The following AFF3 variants were observed in gnomAD, a reference collection of about 807,000 sequenced individuals.
The protein encoded by AFF3 is AF4/FMR2 family member 3.
In AFF3, 32 loss-of-function variants were observed where a neutral mutation model predicts 129.7. The observed-to-expected ratio is 0.25, with a 90% confidence interval of 0.19 to 0.33. AFF3 has a LOEUF of 0.33. AFF3 is among the 10% of genes least tolerant of loss of function. The probability of loss-of-function intolerance (pLI) is 1.00; values close to 1 mark genes in which losing one functional copy is unlikely to be tolerated. For synonymous variants in AFF3, 644 were observed against 635.4 expected (o/e 1.01, Z -0.20); for missense variants, 1,373 against 1,592.0 (o/e 0.86, Z 2.34).
At chr2:100,021,089 T>TA (rs969994915) in intron 4 of AFF3, among the ~76,000 whole-genome samples, 13 of 152,290 alleles carry the variant, frequency 8.5e-5, no homozygotes, top group Non-Finnish European at 1.8e-4. Flanking sequence ...GGTCTCACTT[T>TA]AGTGATTTTT....
At chr2:99,979,706 C>G (rs890739090) in intron 7 of AFF3, among the ~76,000 whole-genome samples, 1 of 152,148 alleles carries the variant, frequency 6.6e-6, no homozygotes, top group Non-Finnish European at 1.5e-5. Context: ...CTGTCTCAAA[C>G]TCCTGGCCTC....
intron 7 of AFF3, among the ~76,000 whole-genome samples, chr2:99,991,795 C>G (rs1255122987): frequency 6.6e-6 from 1 of 151,900 alleles, no homozygotes; most frequent in African/African-American, 2.4e-5. Context: ...CCTCGCTACT[C>G]AGGAGGCTGA....
chr2:99,912,932 G>A (rs758056574), intron 7 of AFF3, among the ~76,000 whole-genome samples: 3 of 152,142 alleles, frequency 2.0e-5, no homozygotes, highest in Non-Finnish European at 2.9e-5. Flanking sequence ...CACACACTAA[G>A]TAGGACCAAA....
At chr2:99,752,818 A>G (rs1681769498) in intron 8 of AFF3, among the ~76,000 whole-genome samples, 1 of 152,190 alleles carries the variant, frequency 6.6e-6, no homozygotes, top group Non-Finnish European at 1.5e-5. Context: ...AAAACAAATC[A>G]CGCCTATGAA....
intron 8 of AFF3, among the ~76,000 whole-genome samples, chr2:99,758,226 C>A (rs1277398155): frequency 6.6e-6 from 1 of 152,168 alleles, no homozygotes; most frequent in Non-Finnish European, 1.5e-5. Context: ...TGTTAGCAGT[C>A]CACCCTCCAC....
intron 4 of AFF3, among the ~76,000 whole-genome samples, chr2:100,009,774 G>T (rs1335266725): frequency 6.6e-6 from 1 of 152,192 alleles, no homozygotes; most frequent in Non-Finnish European, 1.5e-5. Flanking sequence ...ATGAGGAAGT[G>T]ACCTGTTTAC....
In AFF3 at chr2:99,546,967, C is replaced by T. The variant is rs370709577; in HGVS notation, c.*4507G>A. On this transcript the variant is annotated 3_prime_UTR_variant, in exon 25 of 25. Transcript: ENST00000672756. ...ATGTGCATACGTGCATGCATGTGCG[C>T]GCGTGTGTGCGTATGTGTATGTATC... The T allele has an allele frequency of 1.4e-5, 3 of 221,344 alleles. No individual in the cohort carries two copies. The highest frequency in any genetic ancestry group is 1.8e-5 in the Non-Finnish European group (2 of 110,642). 13.7% of individuals were successfully genotyped at this position (221,344 alleles called of 1,614,324 possible).
Position 99,941,045 on chromosome 2 carries a change from T to C in AFF3, c.873+65587A>G, listed in dbSNP as rs1481430201. ...AGGCTGACGGAGGCTAAAGACACTG[T>C]GGTAGAGCAGGAGCATTCCCAGGCA... On this transcript the variant is annotated intron_variant, in intron 7 of 24. Transcript: ENST00000672756. Among the ~76,000 whole-genome samples, 3 of 152,068 alleles carry C rather than the reference T, an allele frequency of 2.0e-5. No homozygotes were observed. The East Asian group carries it at 5.8e-4, about 29-fold the overall frequency.
chr2:100,108,364 AT>A (rs1452481383), intron 2 of AFF3, among the ~76,000 whole-genome samples: 1 of 151,476 alleles, frequency 6.6e-6, no homozygotes, highest in East Asian at 1.9e-4. Context: ...TTCTTTCTGT[AT>A]TTTTTCATCA....
intron 8 of AFF3, among the ~76,000 whole-genome samples, chr2:99,754,733 G>A (rs759899514): frequency 5.3e-5 from 8 of 152,162 alleles, no homozygotes; most frequent in Non-Finnish European, 1.0e-4. Flanking sequence ...CAAACTTTGA[G>A]ATACCACTAA....
At chr2:99,671,606 G>A (rs993186877) in intron 12 of AFF3, among the ~76,000 whole-genome samples, 1 of 152,050 alleles carries the variant, frequency 6.6e-6, no homozygotes, top group South Asian at 2.1e-4. Flanking sequence ...CATCTGCATA[G>A]CATTTCATGA....
chr2:99,582,799 G>A lies in AFF3; in HGVS notation c.2792C>T (p.Thr931Met), dbSNP rs373018231. Reference protein sequence around the residue: ...SQLQPHGGDLTKAAHNNSENI... With the variant: ...SQLQPHGGDLMKAAHNNSENI... ...GGGAAAGGAAGAGCATCAACAAACCGTGAGGTCTCCGCCGTGAGGCTGCAG... is the reference window on the plus strand; with the variant it reads ...GGGAAAGGAAGAGCATCAACAAACCATGAGGTCTCCGCCGTGAGGCTGCAG... Residue 931 changes from threonine to methionine, a missense_variant and splice_region_variant, in exon 17 of 25, where the codon ACG becomes ATG. Physicochemically the swap from Thr to Met is moderately conservative, Grantham distance 81. Coordinates refer to ENST00000672756, the MANE Select transcript of AFF3 (RefSeq NM_001386135.1). 9.3e-6 allele frequency: 15 copies of A among 1,613,854 alleles called. No individual in the cohort carries two copies. The highest frequency in any genetic ancestry group is 1.7e-4 in the Middle Eastern group (1 of 6,046).
intron 4 of AFF3, among the ~76,000 whole-genome samples, chr2:100,021,324 A>T (rs920364735): frequency 3.9e-5 from 6 of 152,222 alleles, no homozygotes; most frequent in African/African-American, 1.4e-4. Flanking sequence ...TTCCTGAAAC[A>T]CGCAACCTGG....
At chr2:99,973,020 A>C (rs1258680983) in intron 7 of AFF3, among the ~76,000 whole-genome samples, 3 of 152,236 alleles carry the variant, frequency 2.0e-5, no homozygotes, top group African/African-American at 7.2e-5. Context: ...TTTACTGGGC[A>C]TAATAGTAGG....
intron 4 of AFF3, among the ~76,000 whole-genome samples, chr2:100,036,314 C>T (rs1410214968): frequency 1.3e-5 from 2 of 152,018 alleles, no homozygotes; most frequent in African/African-American, 4.8e-5. Context: ...GTTACCCTAG[C>T]ACCCATTAGT....
chr2:99,941,526 C>A (rs569435120), intron 7 of AFF3, among the ~76,000 whole-genome samples: 1 of 152,328 alleles, frequency 6.6e-6, no homozygotes, highest in East Asian at 1.9e-4. Flanking sequence ...TCATGACTAA[C>A]AGCCCCTGAA....
chr2:99,707,743 G>A, intron 11 of AFF3: 1 of 757,158 alleles, frequency 1.3e-6, no homozygotes, highest in South Asian at 6.0e-5. Context: ...AGGCTAAAGA[G>A]TCTGTGAAGC....
chr2:99,884,769 T>A (rs1028081132), intron 7 of AFF3, among the ~76,000 whole-genome samples: 2 of 152,252 alleles, frequency 1.3e-5, no homozygotes, highest in African/African-American at 4.8e-5. Context: ...ATACCACTCA[T>A]CCAACAATTT....
At chr2:100,088,427 A>AC (rs1442924940) in intron 4 of AFF3, among the ~76,000 whole-genome samples, 1 of 152,180 alleles carries the variant, frequency 6.6e-6, no homozygotes, top group Admixed American at 6.5e-5. Context: ...TTCCTCTTTT[A>AC]GTTTTATTAC....
Sources: gnomAD v4.1 joint callset for allele counts (sites outside exome capture counted in the v4.1 genomes callset) on GRCh38, gnomAD v4.1.1 for gene constraint, MANE v1.5 for transcripts, NCBI Gene and HGNC (gene_info 2026-07-23, HGNC 2026-07-21) for gene names.